Variants in FAM107B observed in about 807,000 individuals in gnomAD.
FAM107B encodes family with sequence similarity 107 member B.
In FAM107B, 21 loss-of-function variants were observed where a neutral mutation model predicts 31.5. That is an observed-to-expected ratio of 0.67 (90% CI 0.47 to 0.96). The LOEUF is 0.96. FAM107B is among the 40% of genes least tolerant of loss of function. The probability of loss-of-function intolerance (pLI) is 0.00; values close to 1 mark genes in which losing one functional copy is unlikely to be tolerated. For synonymous variants in FAM107B, 157 were observed against 141.5 expected (o/e 1.11, Z -0.78); for missense variants, 452 against 377.1 (o/e 1.20, Z -1.64).
chr10:14,736,144 A>G (rs1273500590), intron 1 of FAM107B, among the ~76,000 whole-genome samples: 2 of 152,298 alleles, frequency 1.3e-5, no homozygotes, highest in East Asian at 3.9e-4. Flanking sequence ...ATGTACCTCC[A>G]GAATATATTA....
At chr10:14,731,750 G>A (rs901090364) in intron 1 of FAM107B, among the ~76,000 whole-genome samples, 4 of 152,074 alleles carry the variant, frequency 2.6e-5, no homozygotes, top group African/African-American at 9.7e-5. Flanking sequence ...ATGTCATTGT[G>A]TTACAGCTGC....
intron 2 of FAM107B, chr10:14,612,443 T>A (rs1032890778): frequency 1.3e-5 from 2 of 152,234 alleles, no homozygotes; most frequent in African/African-American, 4.8e-5. Context: ...CGTCTCTCAG[T>A]TGCCATCAGC....
chr10:14,766,275 C>T (rs781560102), intron 1 of FAM107B, among the ~76,000 whole-genome samples: 1 of 152,014 alleles, frequency 6.6e-6, no homozygotes. Context: ...AAAGACTGTG[C>T]CAAGAAAAGA....
chr10:14,697,955 T>C (rs570839137), intron 1 of FAM107B, among the ~76,000 whole-genome samples: 17 of 152,074 alleles, frequency 1.1e-4, no homozygotes, highest in African/African-American at 3.6e-4. Context: ...CAAAACCCCA[T>C]CTCTATTAAA....
chr10:14,528,033 C>A (rs1846492458), intron 3 of FAM107B: 4 of 384,450 alleles, frequency 1.0e-5, no homozygotes, highest in Admixed American at 3.7e-5. Context: ...CCAACCAGAC[C>A]AAAATCCTTC....
chr10:14,740,500 A>G (rs1212857810), intron 1 of FAM107B, among the ~76,000 whole-genome samples: 2 of 152,212 alleles, frequency 1.3e-5, no homozygotes, highest in Non-Finnish European at 2.9e-5. Flanking sequence ...CAGTGAAACT[A>G]TCCTATATGA....
At chr10:14,698,352 A>C (rs1855316751) in intron 1 of FAM107B, among the ~76,000 whole-genome samples, 1 of 152,196 alleles carries the variant, frequency 6.6e-6, no homozygotes, top group South Asian at 2.1e-4. Context: ...CAAAAGGAGA[A>C]AGAAGTGATA....
chr10:14,734,902 A>G (rs1856263000), intron 1 of FAM107B, among the ~76,000 whole-genome samples: 1 of 152,176 alleles, frequency 6.6e-6, no homozygotes, highest in Admixed American at 6.5e-5. Context: ...AAATCCCCTG[A>G]AGAAAACAAA....
chr10:14,578,085 T>C (rs2131295823), intron 2 of FAM107B, among the ~76,000 whole-genome samples: 1 of 152,232 alleles, frequency 6.6e-6, no homozygotes, highest in East Asian at 1.9e-4. Flanking sequence ...GGCGTGCGGG[T>C]ACAAAGCTTT....
intron 2 of FAM107B, among the ~76,000 whole-genome samples, chr10:14,561,751 A>G (rs1349274399): frequency 6.6e-6 from 1 of 152,204 alleles, no homozygotes; most frequent in African/African-American, 2.4e-5. Flanking sequence ...ACAATAAAAG[A>G]GAATAAACCA....
intron 1 of FAM107B, among the ~76,000 whole-genome samples, chr10:14,695,265 C>T (rs1855238206): frequency 6.6e-6 from 1 of 151,868 alleles, no homozygotes. Context: ...CCCTCCTTTC[C>T]CCATGTGTTC....
chr10:14,544,848 TAGG>T (rs1848550410), intron 2 of FAM107B, among the ~76,000 whole-genome samples: 1 of 152,152 alleles, frequency 6.6e-6, no homozygotes, highest in South Asian at 2.1e-4. Flanking sequence ...AGGCACTAAA[TAGG>T]AGAAAAACAT....
intron 2 of FAM107B, among the ~76,000 whole-genome samples, chr10:14,616,759 C>T (rs1852862975): frequency 6.6e-6 from 1 of 151,974 alleles, no homozygotes; most frequent in Non-Finnish European, 1.5e-5. Flanking sequence ...CCTGCCTCTG[C>T]ACAAAAAATA....
chr10:14,711,561 GGT>G (rs1312433735), intron 1 of FAM107B, among the ~76,000 whole-genome samples: 1 of 152,210 alleles, frequency 6.6e-6, no homozygotes, highest in Non-Finnish European at 1.5e-5. Flanking sequence ...AGACCATCTA[GGT>G]GTGTGTAAGC....
At position 14,774,404 on chromosome 10, in the gene FAM107B, C is replaced by G; in HGVS notation, c.260G>C (p.Gly87Ala). 1 of 1,614,242 alleles carries G rather than the reference C, an allele frequency of 6.2e-7. No individual in the cohort carries two copies. Among genetic ancestry groups the G allele is most frequent in the Non-Finnish European group, 8.5e-7 (1 of 1,180,044 alleles). ...QDSSTHAERNGSANRNSSHRT... is the reference protein window; with the variant it reads ...QDSSTHAERNASANRNSSHRT... ...GTGACTTGAATTCCGATTCGCACTGCCATTTCTCTCTGCATGGGTGCTCGA... is the reference window on the plus strand; with the variant it reads ...GTGACTTGAATTCCGATTCGCACTGGCATTTCTCTCTGCATGGGTGCTCGA... Residue 87 changes from glycine to alanine, a missense_variant, in exon 1 of 5, where the codon GGC (glycine) becomes GCC (alanine). Gly to Ala is a moderately conservative substitution (Grantham distance 60). Coordinates refer to ENST00000181796, the MANE Select transcript of FAM107B (RefSeq NM_031453.4).
chr10:14,547,367 T>C (rs957259308), intron 2 of FAM107B, among the ~76,000 whole-genome samples: 2 of 152,224 alleles, frequency 1.3e-5, no homozygotes, highest in African/African-American at 4.8e-5. Flanking sequence ...CCAGTCATTC[T>C]ATCATTTTGT....
At chr10:14,536,084 G>A (rs1027661924) in intron 2 of FAM107B, among the ~76,000 whole-genome samples, 2 of 152,194 alleles carry the variant, frequency 1.3e-5, no homozygotes, top group Non-Finnish European at 1.5e-5. Flanking sequence ...CCAGCAGACT[G>A]CTCTGGTTCC....
chr10:14,767,367 C>T (rs1056199377), intron 1 of FAM107B, among the ~76,000 whole-genome samples: 1 of 151,814 alleles, frequency 6.6e-6, no homozygotes, highest in African/African-American at 2.4e-5. Flanking sequence ...CCTGGGATTA[C>T]AGGCATGAGC....
chr10:14,643,635 C>G (rs761977816), intron 2 of FAM107B, among the ~76,000 whole-genome samples: 11 of 152,114 alleles, frequency 7.2e-5, no homozygotes, highest in South Asian at 2.1e-4. Flanking sequence ...GTCTTGAACT[C>G]CTGACCTCAA....
Sources: allele counts gnomAD v4.1 joint callset (sites outside exome capture counted in the v4.1 genomes callset), GRCh38; gene constraint gnomAD v4.1.1; transcripts MANE v1.5; gene names NCBI Gene and HGNC (gene_info 2026-07-23, HGNC 2026-07-21).